Variants in CFTR observed in about 807,000 individuals in gnomAD.
CFTR encodes the protein CF transmembrane conductance regulator.
Under a neutral mutation model 171.6 loss-of-function variants are expected in CFTR, and 181 were observed. The observed-to-expected ratio is 1.05, with a 90% CI of 0.93 to 1.19. The LOEUF is 1.19. Ranked by LOEUF, CFTR falls within the 50% of genes most tolerant of loss-of-function variation. The pLI, the probability that CFTR is intolerant of heterozygous loss-of-function variation, is 0.00. For missense variants in CFTR, 1,968 were observed against 1,734.7 expected, an observed-to-expected ratio of 1.13 and a Z score of -2.39; for synonymous variants, 583 against 608.0, an observed-to-expected ratio of 0.96 and a Z score of 0.60.
intron 21 of CFTR, among the ~76,000 whole-genome samples, chr7:117,615,321 T>G (rs1218992503): frequency 1.3e-5 from 2 of 152,038 alleles, no homozygotes; most frequent in Non-Finnish European, 2.9e-5. Context: ...AATCCCTCAG[T>G]CAGTGGCTTG....
chr7:117,513,707 A>G (rs1798556085), intron 3 of CFTR, among the ~76,000 whole-genome samples: 1 of 152,156 alleles, frequency 6.6e-6, no homozygotes, highest in Admixed American at 6.5e-5. Flanking sequence ...TCTTCCTGTG[A>G]TTGGCTATCT....
At chr7:117,612,023 G>GTGTATATATATA (rs1323046521) in intron 20 of CFTR, among the ~76,000 whole-genome samples, 1 of 53,228 alleles carries the variant, frequency 1.9e-5, no homozygotes, top group African/African-American at 1.1e-4. Flanking sequence ...ATATATATAT[G>GTGTATATATATA]TATATATATA....
At chr7:117,602,896 G>C (rs1258968238) in intron 16 of CFTR, 33 bp downstream of exon 16, 4 of 1,574,204 alleles carry the variant, frequency 2.5e-6, no homozygotes, top group Middle Eastern at 1.7e-4. Context: ...TGTAGATTGT[G>C]TTTTATTTCT....
chr7:117,607,758 C>CA (rs1792323686), intron 18 of CFTR, among the ~76,000 whole-genome samples: 1 of 152,236 alleles, frequency 6.6e-6, no homozygotes, highest in African/African-American at 2.4e-5. Flanking sequence ...ACCAGACTGT[C>CA]AGTTTGCCTC....
intron 6 of CFTR, among the ~76,000 whole-genome samples, 187 bp from the exon 7 acceptor site, chr7:117,536,361 C>T (rs771980579): frequency 6.6e-6 from 1 of 152,124 alleles, no homozygotes; most frequent in Non-Finnish European, 1.5e-5. Context: ...GTCTGTACAG[C>T]GTCTGGCACA....
intron 1 of CFTR, among the ~76,000 whole-genome samples, chr7:117,502,617 G>T (rs1192988932): frequency 1.3e-5 from 2 of 152,274 alleles, no homozygotes; most frequent in Admixed American, 1.3e-4. Context: ...GTATGCACCA[G>T]GTGGGTGTGC....
intron 11 of CFTR, among the ~76,000 whole-genome samples, chr7:117,583,552 A>G (rs552912857): frequency 6.6e-6 from 1 of 151,796 alleles, no homozygotes; most frequent in Admixed American, 6.6e-5. Flanking sequence ...TATATGCCAC[A>G]TTTTCTTTAT....
chr7:117,535,243 T>C lies in CFTR; in HGVS notation c.580-5T>C, dbSNP rs1022498965. 1 of 1,613,990 alleles carries C rather than the reference T, an allele frequency of 6.2e-7. No individual in the cohort carries two copies. Among genetic ancestry groups the C allele is most frequent in the Non-Finnish European group, 8.5e-7 (1 of 1,179,984 alleles). On this transcript the variant is annotated splice_polypyrimidine_tract_variant and splice_region_variant and intron_variant, in intron 5 of 26. Coordinates refer to ENST00000003084, the MANE Select transcript of CFTR (RefSeq NM_000492.4). Reference sequence around the variant, plus strand: ...ACCTGTTTTTGCTGTGCTTTTATTTTCCAGGGACTTGCATTGGCACATTTC... The same window carrying C: ...ACCTGTTTTTGCTGTGCTTTTATTTCCCAGGGACTTGCATTGGCACATTTC...
chr7:117,567,428 AG>A (rs1022745147), intron 11 of CFTR, among the ~76,000 whole-genome samples: 6 of 152,240 alleles, frequency 3.9e-5, no homozygotes, highest in African/African-American at 1.2e-4. Context: ...ATTGAGTACA[AG>A]TATTCTCTAG....
intron 13 of CFTR, 120 bp downstream of exon 13, chr7:117,590,559 G>T: frequency 8.0e-7 from 1 of 1,248,300 alleles, no homozygotes; most frequent in Non-Finnish European, 1.1e-6. Flanking sequence ...TGGTATGGCA[G>T]AATGTAGCAT....
intron 19 of CFTR, among the ~76,000 whole-genome samples, chr7:117,611,153 T>A (rs1290466387): frequency 6.6e-6 from 1 of 152,166 alleles, no homozygotes; most frequent in Non-Finnish European, 1.5e-5. Context: ...AGCCTTAGTG[T>A]GGGTGCATTT....
chr7:117,559,680 T>C, intron 11 of CFTR, 25 bp downstream of exon 11: 1 of 1,541,302 alleles, frequency 6.5e-7, no homozygotes. Flanking sequence ...GAAAACTTTT[T>C]GATTATGCAT....
chr7:117,612,006 G>GATATATATATATATACGTATATATATAT (rs1792397758), intron 20 of CFTR, among the ~76,000 whole-genome samples, 198 bp downstream of exon 20: 1 of 76,796 alleles, frequency 1.3e-5, no homozygotes, highest in Non-Finnish European at 2.6e-5. Flanking sequence ...CTTGAAATCG[G>GATATATATATATATACGTATATATATAT]ATATATATAT....
rs750324511 is a variant in CFTR, at chr7:117,536,619, T to C, written c.815T>C (p.Val272Ala). ...GAAATGATTGAAAATATCCAATCTG[T>C]TAAGGCATACTGCTGGGAAGAAGCA... ...TSEMIENIQS[V>A]KAYCWEEAME... Residue 272 changes from valine (V) to alanine (A), a missense_variant, in exon 7 of 27, where the codon GTT (valine) becomes GCT (alanine). By Grantham distance (64) the Val-to-Ala change is moderately conservative. Coordinates refer to ENST00000003084, the MANE Select transcript of CFTR (RefSeq NM_000492.4). The C allele has an allele frequency of 1.9e-6, 3 of 1,611,456 alleles. No homozygotes were observed. Among genetic ancestry groups the C allele is most frequent in the Non-Finnish European group, 2.5e-6 (3 of 1,178,862 alleles).
intron 21 of CFTR, among the ~76,000 whole-genome samples, chr7:117,618,580 G>T (rs965549073): frequency 3.9e-5 from 6 of 152,076 alleles, no homozygotes; most frequent in African/African-American, 1.4e-4. Flanking sequence ...CTCTCTAAAT[G>T]ATGTATCCAA....
In CFTR at chr7:117,560,325, T is replaced by C. The variant is rs141144523; in HGVS notation, c.1584+670T>C. Among the ~76,000 whole-genome samples the C allele has an allele frequency of 1.9e-4, 29 of 152,228 alleles. No individual in the cohort carries two copies. In the East Asian group the frequency reaches 2.7e-3, roughly 14 times the overall value. On this transcript the variant is annotated intron_variant, in intron 11 of 26. Transcript: ENST00000003084. ...TATATGGATCTTGTGCTGTTCACTATGTAAATTGTGTGATGGTGGGTTCAG... is the reference window on the plus strand; with the variant it reads ...TATATGGATCTTGTGCTGTTCACTACGTAAATTGTGTGATGGTGGGTTCAG...
chr7:117,558,552 T>TCTAA (rs1799400087), intron 10 of CFTR, among the ~76,000 whole-genome samples: 1 of 105,942 alleles, frequency 9.4e-6, no homozygotes, highest in East Asian at 2.6e-4. Flanking sequence ...AGACTCTGTC[T>TCTAA]CTAAATAAAT....
At chr7:117,647,942 C>T (rs548533862) in intron 23 of CFTR, among the ~76,000 whole-genome samples, 7 of 150,808 alleles carry the variant, frequency 4.6e-5, no homozygotes, top group South Asian at 2.1e-4. Flanking sequence ...CAAAAAGGGA[C>T]GTCCAAACCA....
At chr7:117,552,365 A>G (rs1198368108) in intron 10 of CFTR, among the ~76,000 whole-genome samples, 1 of 152,142 alleles carries the variant, frequency 6.6e-6, no homozygotes. Context: ...AAGCTGTACT[A>G]TGTGAAAATA....
Sources: allele counts gnomAD v4.1 joint callset (sites outside exome capture counted in the v4.1 genomes callset), GRCh38; gene constraint gnomAD v4.1.1; transcripts MANE v1.5; gene names NCBI Gene and HGNC (gene_info 2026-07-23, HGNC 2026-07-21).